Variants in RIMS2 observed in about 807,000 individuals in gnomAD.
RIMS2 encodes the protein regulating synaptic membrane exocytosis protein 2.
RIMS2 carries 59 observed loss-of-function variants against 174.4 expected under a neutral mutation model. That is an observed-to-expected ratio of 0.34 (90% CI 0.27 to 0.42). RIMS2 has a LOEUF of 0.42. RIMS2 is among the 10% of genes least tolerant of loss of function. RIMS2 has a pLI of 1.00. For synonymous variants in RIMS2, 606 were observed against 572.5 expected (o/e 1.06, Z -0.84); for missense variants, 1,620 against 1,666.3 (o/e 0.97, Z 0.48).
chr8:103,685,750 A>G (rs188067011), intron 1 of RIMS2, among the ~76,000 whole-genome samples: 127 of 152,292 alleles, frequency 8.3e-4, no homozygotes, highest in Middle Eastern at 3.4e-3. Context: ...AAGTCTTCAA[A>G]TCAGGTACTT....
At chr8:103,916,058 A>G (rs748269266) in intron 7 of RIMS2, among the ~76,000 whole-genome samples, 7 of 151,970 alleles carry the variant, frequency 4.6e-5, no homozygotes, top group Non-Finnish European at 8.8e-5. Flanking sequence ...AACCCTTTAC[A>G]AAAAAACAAG....
intron 1 of RIMS2, among the ~76,000 whole-genome samples, chr8:103,589,292 T>A (rs921466271): frequency 6.6e-6 from 1 of 150,616 alleles, no homozygotes; most frequent in Admixed American, 6.7e-5. Flanking sequence ...ACTTCTTGAA[T>A]TAAGACATGC....
intron 19 of RIMS2, among the ~76,000 whole-genome samples, chr8:104,052,038 C>T (rs534441005): frequency 6.6e-6 from 1 of 152,072 alleles, no homozygotes; most frequent in East Asian, 1.9e-4. Flanking sequence ...GAAAACATTA[C>T]TGAAGAAAAA....
intron 13 of RIMS2, among the ~76,000 whole-genome samples, chr8:103,942,288 C>T (rs980453805): frequency 2.6e-5 from 4 of 152,106 alleles, no homozygotes; most frequent in Non-Finnish European, 4.4e-5. Context: ...GGATAATGGC[C>T]TCCAGCTCCA....
intron 3 of RIMS2, among the ~76,000 whole-genome samples, chr8:103,852,516 A>G (rs1291153933): frequency 6.6e-6 from 1 of 151,488 alleles, no homozygotes; most frequent in Non-Finnish European, 1.5e-5. Flanking sequence ...GGTTGCAAGC[A>G]TGGTACCTAA....
At chr8:104,101,201 G>A (rs538535428) in intron 19 of RIMS2, among the ~76,000 whole-genome samples, 39 of 150,242 alleles carry the variant, frequency 2.6e-4, no homozygotes, top group African/African-American at 7.6e-4. Flanking sequence ...ATCTCGGCTC[G>A]CTGCAACTTC....
intron 2 of RIMS2, among the ~76,000 whole-genome samples, chr8:103,755,265 G>T (rs908300507): frequency 6.6e-6 from 1 of 152,088 alleles, no homozygotes; most frequent in Non-Finnish European, 1.5e-5. Context: ...CCCCCACTCC[G>T]TTTTGGCTTG....
chr8:104,155,290 T>G (rs2098715140), intron 19 of RIMS2, among the ~76,000 whole-genome samples: 1 of 150,820 alleles, frequency 6.6e-6, no homozygotes, highest in African/African-American at 2.4e-5. Context: ...GTATTTTTAG[T>G]AGAGACAGGG....
chr8:103,727,550 C>G (rs2097540400), intron 2 of RIMS2, among the ~76,000 whole-genome samples: 1 of 152,052 alleles, frequency 6.6e-6, no homozygotes, highest in African/African-American at 2.4e-5. Flanking sequence ...TTTGCCCAGA[C>G]CAATGTCCTG....
At chr8:103,524,358 G>A (rs1427054050) in intron 1 of RIMS2, among the ~76,000 whole-genome samples, 1 of 132,950 alleles carries the variant, frequency 7.5e-6, no homozygotes, top group Non-Finnish European at 1.8e-5. Context: ...TTGAAATGAA[G>A]CATTTGAAAT....
chr8:103,559,983 A>G (rs887016076), intron 1 of RIMS2, among the ~76,000 whole-genome samples: 4 of 152,234 alleles, frequency 2.6e-5, no homozygotes, highest in African/African-American at 9.6e-5. Context: ...TAGGGCGTCA[A>G]ATCTTTTATA....
In RIMS2 at chr8:103,634,557, C is replaced by T. The variant is rs572415500; in HGVS notation, c.177-62529C>T. On this transcript the variant is annotated intron_variant, in intron 1 of 23. Transcript: ENST00000504942. ...GATCCATTTGGTACAATGCTGAGTT[C>T]GGGTTCTGAATATCTTTGTTAGTTT... 5.9e-5 allele frequency among the ~76,000 whole-genome samples: 9 copies of T among 152,230 alleles called. No homozygotes were observed. The East Asian group carries it at 9.6e-4, about 16-fold the overall frequency.
At chr8:103,663,858 G>A (rs1206096529) in intron 1 of RIMS2, among the ~76,000 whole-genome samples, 1 of 152,172 alleles carries the variant, frequency 6.6e-6, no homozygotes, top group Non-Finnish European at 1.5e-5. Flanking sequence ...AAAGCTGGAG[G>A]CATCACACTA....
chr8:103,711,023 G>A (rs1252873998), intron 2 of RIMS2, among the ~76,000 whole-genome samples: 7 of 152,130 alleles, frequency 4.6e-5, no homozygotes, highest in Non-Finnish European at 1.0e-4. Flanking sequence ...ACGCTTTTTG[G>A]GAGTAACTGG....
At chr8:104,219,624 T>G (rs1490113742) in intron 19 of RIMS2, among the ~76,000 whole-genome samples, 1 of 152,194 alleles carries the variant, frequency 6.6e-6, no homozygotes, top group East Asian at 1.9e-4. Flanking sequence ...ATTTTTATGT[T>G]TAATAGTGCA....
At chr8:104,164,738 G>C (rs1415451445) in intron 19 of RIMS2, among the ~76,000 whole-genome samples, 2 of 152,134 alleles carry the variant, frequency 1.3e-5, no homozygotes, top group South Asian at 4.1e-4. Context: ...ACTTATAAGT[G>C]GAAGGTAAAT....
In RIMS2 at chr8:103,626,747, G is replaced by A. The variant is rs562857008; in HGVS notation, c.177-70339G>A. Among the ~76,000 whole-genome samples the A allele has an allele frequency of 3.6e-4, 55 of 152,166 alleles. 2 individuals carry two copies. In the South Asian group the frequency reaches 0.01, roughly 29 times the overall value. On this transcript the variant is annotated intron_variant, in intron 1 of 23. Transcript: ENST00000504942. ...ATTTTACAGCTGGGCCTCCGGGGGT[G>A]TCATCACATATTGGTAGGACCATGA...
At chr8:104,229,731 C>G (rs1259857040) in intron 19 of RIMS2, among the ~76,000 whole-genome samples, 2 of 152,176 alleles carry the variant, frequency 1.3e-5, no homozygotes, top group Non-Finnish European at 2.9e-5. Context: ...GTCACAGTTC[C>G]ACCCACACTG....
chr8:103,669,592 C>T (rs948090322), intron 1 of RIMS2, among the ~76,000 whole-genome samples: 1 of 152,168 alleles, frequency 6.6e-6, no homozygotes, highest in Non-Finnish European at 1.5e-5. Context: ...TGGATAAATA[C>T]AGCCATTCCC....
Sources: allele counts gnomAD v4.1 joint callset (sites outside exome capture counted in the v4.1 genomes callset), GRCh38; gene constraint gnomAD v4.1.1; transcripts MANE v1.5; gene names NCBI Gene and HGNC (gene_info 2026-07-23, HGNC 2026-07-21).